Variants in LHFPL2 observed in about 807,000 individuals in gnomAD.
The protein encoded by LHFPL2 is LHFPL tetraspan subfamily member 2 protein.
Under a neutral mutation model 17.5 loss-of-function variants are expected in LHFPL2, and 7 were observed. The ratio of observed to expected loss-of-function variants is 0.40; its 90% CI spans 0.23 to 0.75. The LOEUF is 0.75. Among genes scored for constraint, LHFPL2 ranks in the 30% least tolerant of loss-of-function variants. The pLI is 0.37. For missense variants in LHFPL2, 241 were observed against 294.8 expected (o/e 0.82, Z 1.34); for synonymous variants, 134 against 116.2 (o/e 1.15, Z -0.99).
intron 3 of LHFPL2, among the ~76,000 whole-genome samples, chr5:78,560,664 C>T (rs1334259055): frequency 6.6e-6 from 1 of 152,180 alleles, no homozygotes; most frequent in South Asian, 2.1e-4. Context: ...AAAAACAGAC[C>T]TTAAGCTGTA....
chr5:78,571,633 C>T (rs1019757433), intron 2 of LHFPL2, among the ~76,000 whole-genome samples: 4 of 152,152 alleles, frequency 2.6e-5, no homozygotes, highest in African/African-American at 9.7e-5. Flanking sequence ...CAGGCCCCCC[C>T]AAATCACAGA....
chr5:78,546,602 C>T (rs1237484871), intron 3 of LHFPL2, among the ~76,000 whole-genome samples: 4 of 152,232 alleles, frequency 2.6e-5, no homozygotes, highest in Non-Finnish European at 1.5e-5. Flanking sequence ...GTAACCTCGA[C>T]TCCAGGACTT....
intron 2 of LHFPL2, among the ~76,000 whole-genome samples, chr5:78,584,375 CCA>C (rs1422047237): frequency 3.9e-5 from 6 of 152,152 alleles, no homozygotes; most frequent in Admixed American, 6.5e-5. Context: ...TTTAGAGTTT[CCA>C]GTTTTTCTGC....
chr5:78,532,953 G>A (rs1755829739), intron 3 of LHFPL2, among the ~76,000 whole-genome samples: 1 of 152,220 alleles, frequency 6.6e-6, no homozygotes, highest in African/African-American at 2.4e-5. Context: ...ACCGAGTGAG[G>A]CCCGTGGTGC....
At chr5:78,554,177 T>G (rs1474997019) in intron 3 of LHFPL2, among the ~76,000 whole-genome samples, 1 of 152,250 alleles carries the variant, frequency 6.6e-6, no homozygotes, top group East Asian at 1.9e-4. Flanking sequence ...CTTACGACAG[T>G]GCAAGGGGCA....
chr5:78,584,514 A>G (rs1743290333), intron 2 of LHFPL2, among the ~76,000 whole-genome samples: 1 of 152,112 alleles, frequency 6.6e-6, no homozygotes, highest in East Asian at 1.9e-4. Context: ...CAGGACCCTC[A>G]GCTGCAGGTC....
chr5:78,618,362 A>G (rs1744694291), intron 2 of LHFPL2, among the ~76,000 whole-genome samples: 1 of 152,170 alleles, frequency 6.6e-6, no homozygotes. Flanking sequence ...TGGGTCAAGA[A>G]TTTGGGCAAG....
intron 1 of LHFPL2, among the ~76,000 whole-genome samples, chr5:78,645,543 TACACACACACAC>T (rs56911011): frequency 0.065 from 8,940 of 137,264 alleles, 311 homozygotes; most frequent in Middle Eastern, 0.099. Flanking sequence ...GACAGATGCA[TACACACACACAC>T]ACACACACAC....
chr5:78,627,703 C>T (rs1745099334), intron 2 of LHFPL2, among the ~76,000 whole-genome samples: 3 of 152,132 alleles, frequency 2.0e-5, no homozygotes, highest in Admixed American at 2.0e-4. Context: ...TTTATGAAGC[C>T]CTCGATAGCT....
Position 78,638,755 on chromosome 5 carries a change from G to A in LHFPL2, c.-349-6387C>T, listed in dbSNP as rs374701010. Among the ~76,000 whole-genome samples, 4 of 152,198 alleles carry A rather than the reference G, an allele frequency of 2.6e-5. No individual in the cohort carries two copies. The East Asian group carries it at 7.7e-4, about 29-fold the overall frequency. ...AACCTGAGTGGCTGACGGGCTGCATGTATCAAAGAATGACTTGTGGCCCAG... is the reference window on the plus strand; with the variant it reads ...AACCTGAGTGGCTGACGGGCTGCATATATCAAAGAATGACTTGTGGCCCAG... On this transcript the variant is annotated intron_variant, in intron 1 of 4. Coordinates refer to ENST00000380345, the MANE Select transcript of LHFPL2 (RefSeq NM_005779.3).
At chr5:78,605,394 C>T (rs1250028549) in intron 2 of LHFPL2, among the ~76,000 whole-genome samples, 1 of 152,118 alleles carries the variant, frequency 6.6e-6, no homozygotes, top group Non-Finnish European at 1.5e-5. Flanking sequence ...AAATACATGG[C>T]CCTGACAGGG....
At chr5:78,542,237 G>GC (rs1756135025) in intron 3 of LHFPL2, among the ~76,000 whole-genome samples, 1 of 152,094 alleles carries the variant, frequency 6.6e-6, no homozygotes, top group Non-Finnish European at 1.5e-5. Flanking sequence ...CCCAGGGCTG[G>GC]CTTTCCCCAG....
Position 78,488,614 on chromosome 5 carries a change from C to T in LHFPL2, c.*283G>A. On this transcript the variant is annotated 3_prime_UTR_variant, in exon 5 of 5. Transcript: ENST00000380345. ...TGCCCTAATGATTTAGATTATTATC[C>T]TTCATTGAACCTGGGGGAGATGGAG... The T allele has an allele frequency of 2.4e-6, 1 of 412,780 alleles. No homozygotes were observed. Among genetic ancestry groups the T allele is most frequent in the South Asian group, 2.8e-5 (1 of 35,760 alleles). The allele number at this position is 412,780 out of a possible 1,614,324, so 25.6% of individuals were successfully genotyped here. A position where few individuals can be genotyped will look rare whatever the true frequency, so the allele number is the denominator to read the frequency against.
chr5:78,641,629 T>C (rs997148341), intron 1 of LHFPL2, among the ~76,000 whole-genome samples: 3 of 152,140 alleles, frequency 2.0e-5, no homozygotes, highest in African/African-American at 7.2e-5. Context: ...CACTTAATCA[T>C]TATAACATGT....
chr5:78,534,040 G>A (rs1285378295), intron 3 of LHFPL2, among the ~76,000 whole-genome samples: 2 of 152,200 alleles, frequency 1.3e-5, no homozygotes. Context: ...GGCCCAGCAA[G>A]GAGACACATC....
chr5:78,515,706 T>A (rs1478977846), intron 3 of LHFPL2, among the ~76,000 whole-genome samples: 2 of 152,252 alleles, frequency 1.3e-5, no homozygotes, highest in Admixed American at 1.3e-4. Flanking sequence ...AACCAACCAC[T>A]GAATCAAACT....
intron 3 of LHFPL2, among the ~76,000 whole-genome samples, chr5:78,531,419 C>CAAA (rs11445485): frequency 4.3e-5 from 5 of 116,254 alleles, no homozygotes; most frequent in East Asian, 3.4e-4. Flanking sequence ...AACTCCATCT[C>CAAA]AAAAAAAAAA....
intron 2 of LHFPL2, among the ~76,000 whole-genome samples, chr5:78,574,526 T>G (rs1380087563): frequency 6.6e-6 from 1 of 152,262 alleles, no homozygotes; most frequent in Admixed American, 6.5e-5. Context: ...GTTAATTGGC[T>G]GCAGATTCTT....
At chr5:78,568,236 T>TAA (rs1756909101) in intron 2 of LHFPL2, among the ~76,000 whole-genome samples, 1 of 152,220 alleles carries the variant, frequency 6.6e-6, no homozygotes, top group Non-Finnish European at 1.5e-5. Flanking sequence ...CTTGGCCACT[T>TAA]ACAGTGCAAT....
Sources: allele counts gnomAD v4.1 joint callset (sites outside exome capture counted in the v4.1 genomes callset), GRCh38; gene constraint gnomAD v4.1.1; transcripts MANE v1.5; gene names NCBI Gene and HGNC (gene_info 2026-07-23, HGNC 2026-07-21).